COL25A1: variants seen among roughly 807,000 people sequenced by gnomAD.
The protein encoded by COL25A1 is collagen alpha-1(XXV) chain.
A neutral mutation model predicts 128.4 loss-of-function variants in COL25A1; 103 were observed. The observed-to-expected ratio is 0.80, with a 90% CI of 0.68 to 0.94. The LOEUF is 0.94. Ranked by LOEUF, COL25A1 falls within the 40% of genes least tolerant of loss-of-function variation. COL25A1 has a pLI of 0.00. For synonymous variants in COL25A1, 279 were observed against 277.2 expected, an observed-to-expected ratio of 1.01 and a Z score of -0.06; for missense variants, 745 against 840.0, an observed-to-expected ratio of 0.89 and a Z score of 1.40.
At chr4:108,873,776 A>G (rs374911940) in intron 19 of COL25A1, among the ~76,000 whole-genome samples, 17 of 152,310 alleles carry the variant, frequency 1.1e-4, no homozygotes, top group African/African-American at 4.1e-4. Context: ...AGCAGTTGAG[A>G]TTGCAAAACC....
intron 8 of COL25A1, among the ~76,000 whole-genome samples, chr4:108,972,927 T>C (rs1256252844): frequency 6.6e-6 from 1 of 152,150 alleles, no homozygotes; most frequent in Non-Finnish European, 1.5e-5. Context: ...TAATCAATCA[T>C]CACTCTTTTT....
intron 5 of COL25A1, among the ~76,000 whole-genome samples, chr4:109,017,145 A>G (rs1757298355): frequency 6.6e-6 from 1 of 152,180 alleles, no homozygotes; most frequent in Non-Finnish European, 1.5e-5. Flanking sequence ...AGCAGAAGCC[A>G]CTTGCAGTGC....
At chr4:109,042,656 C>A (rs900180645) in intron 5 of COL25A1, among the ~76,000 whole-genome samples, 1 of 151,972 alleles carries the variant, frequency 6.6e-6, no homozygotes, top group Non-Finnish European at 1.5e-5. Flanking sequence ...AAAGCACATT[C>A]TTTGAGTCCA....
intron 3 of COL25A1, among the ~76,000 whole-genome samples, chr4:109,095,265 A>T (rs898592237): frequency 1.3e-5 from 2 of 152,242 alleles, no homozygotes; most frequent in Admixed American, 6.5e-5. Flanking sequence ...GTAACAATTC[A>T]TTCCACTTTG....
chr4:109,197,487 T>A (rs1213969480), intron 3 of COL25A1, among the ~76,000 whole-genome samples: 56 of 124,972 alleles, frequency 4.5e-4, no homozygotes, highest in Non-Finnish European at 3.9e-4. Context: ...TATTATATAT[T>A]ATATATAAAT....
intron 3 of COL25A1, among the ~76,000 whole-genome samples, chr4:109,066,929 C>A (rs1057100830): frequency 2.0e-5 from 3 of 152,154 alleles, no homozygotes; most frequent in African/African-American, 7.2e-5. Context: ...ACTCAGCCTC[C>A]CAAAATGCTG....
At chr4:109,140,213 G>A (rs1367352722) in intron 3 of COL25A1, among the ~76,000 whole-genome samples, 1 of 152,228 alleles carries the variant, frequency 6.6e-6, no homozygotes, top group East Asian at 1.9e-4. Flanking sequence ...GGGTCAAATG[G>A]TATTTCTAGT....
chr4:108,882,546 T>G lies in COL25A1; in HGVS notation c.1020+1632A>C, dbSNP rs79773941. ...CACTTTAAATAAATAGTTTTTAAAT[T>G]TTTATGATCTTCCCATTATTTGTAA... On this transcript the variant is annotated intron_variant, in intron 19 of 37. Transcript: ENST00000399132. Among the ~76,000 whole-genome samples the G allele has an allele frequency of 7.5e-3, 1,148 of 152,306 alleles. 3 individuals are homozygous for G. The highest frequency in any genetic ancestry group is 0.012 in the Non-Finnish European group (803 of 68,028).
At chr4:108,995,620 C>T (rs1479004091) in intron 6 of COL25A1, among the ~76,000 whole-genome samples, 1 of 152,212 alleles carries the variant, frequency 6.6e-6, no homozygotes, top group East Asian at 1.9e-4. Flanking sequence ...TAATTGAACA[C>T]CACAAAGAAA....
chr4:109,018,770 C>T (rs987581425), intron 5 of COL25A1, among the ~76,000 whole-genome samples: 2 of 152,110 alleles, frequency 1.3e-5, no homozygotes, highest in Non-Finnish European at 2.9e-5. Context: ...AGAGGGTAGA[C>T]AATAATATTT....
chr4:108,911,304 T>G (rs1744185588), intron 13 of COL25A1, among the ~76,000 whole-genome samples: 1 of 152,180 alleles, frequency 6.6e-6, no homozygotes, highest in Non-Finnish European at 1.5e-5. Context: ...TCTCTTCTTT[T>G]GCCAACTCCT....
At chr4:109,028,953 C>T (rs566111528) in intron 5 of COL25A1, among the ~76,000 whole-genome samples, 1 of 152,102 alleles carries the variant, frequency 6.6e-6, no homozygotes, top group African/African-American at 2.4e-5. Flanking sequence ...AACCAGTGCC[C>T]TTAAGAAGAA....
intron 35 of COL25A1, among the ~76,000 whole-genome samples, chr4:108,823,117 C>G (rs76470026): frequency 2.4e-4 from 36 of 152,298 alleles, no homozygotes; most frequent in African/African-American, 8.7e-4. Flanking sequence ...TTTAGCCTTG[C>G]TTGTCAACAG....
chr4:108,901,654 G>T (rs1742869659), intron 13 of COL25A1, among the ~76,000 whole-genome samples: 1 of 152,028 alleles, frequency 6.6e-6, no homozygotes, highest in African/African-American at 2.4e-5. Context: ...AATTCATTTA[G>T]ACACATTTGA....
intron 3 of COL25A1, among the ~76,000 whole-genome samples, chr4:109,104,008 G>A (rs1766158997): frequency 4.6e-5 from 7 of 152,268 alleles, no homozygotes; most frequent in South Asian, 2.1e-4. Context: ...AATGATTTCA[G>A]ACATTTTAAC....
intron 6 of COL25A1, among the ~76,000 whole-genome samples, chr4:109,001,860 C>CT (rs1755445232): frequency 6.8e-6 from 1 of 148,038 alleles, no homozygotes; most frequent in Admixed American, 6.9e-5. Flanking sequence ...AACTCTGACA[C>CT]TTTATAGACT....
chr4:108,959,517 T>C (rs1331727690), intron 8 of COL25A1, among the ~76,000 whole-genome samples: 1 of 152,134 alleles, frequency 6.6e-6, no homozygotes, highest in African/African-American at 2.4e-5. Flanking sequence ...ACCAAAGGTG[T>C]CAGACCCTGC....
chr4:108,886,492 G>GTGTGTTT (rs58157157), intron 18 of COL25A1, among the ~76,000 whole-genome samples: 5 of 109,248 alleles, frequency 4.6e-5, no homozygotes, highest in African/African-American at 1.2e-4. Flanking sequence ...GTGTGTGTGT[G>GTGTGTTT]TTTAGCTCAT....
chr4:109,010,953 G>T (rs1756526291), intron 5 of COL25A1, among the ~76,000 whole-genome samples: 1 of 152,122 alleles, frequency 6.6e-6, no homozygotes, highest in African/African-American at 2.4e-5. Context: ...GATATCAGAG[G>T]TCTTTGGATC....
Sources: gnomAD v4.1 joint callset for allele counts (sites outside exome capture counted in the v4.1 genomes callset) on GRCh38, gnomAD v4.1.1 for gene constraint, MANE v1.5 for transcripts, NCBI Gene and HGNC (gene_info 2026-07-23, HGNC 2026-07-21) for gene names.